Variants in CCDC14 observed in about 807,000 individuals in gnomAD.
CCDC14 encodes the protein coiled-coil domain-containing protein 14.
In CCDC14, 71 loss-of-function variants were observed where a neutral mutation model predicts 81.4. The ratio of observed to expected loss-of-function variants is 0.87; its 90% CI spans 0.72 to 1.06. The LOEUF (loss-of-function observed/expected upper bound fraction) is 1.06, where lower values mean the gene tolerates loss of function less well. Ranked by LOEUF, CCDC14 falls within the 50% of genes least tolerant of loss-of-function variation. CCDC14 has a pLI of 0.00. For synonymous variants in CCDC14, 332 were observed against 364.8 expected (o/e 0.91, Z 1.03); for missense variants, 1,046 against 1,047.3 (o/e 1.00, Z 0.02).
chr3:123,947,353 T>G lies in CCDC14; in HGVS notation c.685-34A>C, dbSNP rs777545648. The G allele has an allele frequency of 5.9e-6, 9 of 1,520,088 alleles. No individual in the cohort carries two copies. In the Admixed American group the frequency reaches 9.6e-5, roughly 16 times the overall value. The allele number at this position is 1,520,088 out of a possible 1,614,324, so 94.2% of individuals were successfully genotyped here. A position where few individuals can be genotyped will look rare whatever the true frequency, so the allele number is the denominator to read the frequency against. On this transcript the variant is annotated intron_variant, in intron 7 of 12. Coordinates refer to ENST00000409697, the MANE Select transcript of CCDC14 (RefSeq NM_001366335.1). The stretch of plus-strand genomic sequence containing the variant: ...AGATAAAAACAAGTCTTCAGAAGTA[T>G]GAGCACTCATTTGTAGGTATTAATT...
chr3:123,892,907 T>G, downstream of CCDC14, among the ~76,000 whole-genome samples: 1 of 152,026 alleles, frequency 6.6e-6, no homozygotes, highest in East Asian at 1.9e-4. Flanking sequence ...CAGTTTCAAG[T>G]GATTCTCCTG....
At chr3:123,911,374 CAT>C (rs1431845311), downstream of CCDC14, among the ~76,000 whole-genome samples, 4 of 152,096 alleles carry the variant, frequency 2.6e-5, no homozygotes, top group Admixed American at 6.5e-5. Context: ...TTAGAACCCA[CAT>C]GTTTAAGCAA....
At chr3:123,922,974 A>G (rs1200261128) in intron 12 of CCDC14, among the ~76,000 whole-genome samples, 3 of 152,134 alleles carry the variant, frequency 2.0e-5, no homozygotes, top group Non-Finnish European at 4.4e-5. Context: ...AGAACACTAC[A>G]AGAAAAGAAA....
intron 5 of CCDC14, chr3:123,954,628 A>T (rs1457939191): frequency 6.6e-6 from 1 of 152,118 alleles, no homozygotes; most frequent in Non-Finnish European, 1.5e-5. Flanking sequence ...AAATCTTCTA[A>T]ATCTAGCATA....
In CCDC14 at chr3:123,950,329, T is replaced by C. The variant is rs187556558; in HGVS notation, c.353-1197A>G. Reference sequence around the variant, plus strand: ...GAGTGCTTATGTCTACTGAAAGACATGTGCAAGAATGTTCACAGCAGCTTG... The same window carrying C: ...GAGTGCTTATGTCTACTGAAAGACACGTGCAAGAATGTTCACAGCAGCTTG... On this transcript the variant is annotated intron_variant, in intron 5 of 12. Coordinates refer to ENST00000409697, the MANE Select transcript of CCDC14 (RefSeq NM_001366335.1). Among the ~76,000 whole-genome samples the C allele has an allele frequency of 1.1e-3, 174 of 152,322 alleles. 1 individual carries two copies. Among genetic ancestry groups the C allele is most frequent in the Non-Finnish European group, 1.8e-3 (125 of 68,024 alleles).
At chr3:123,897,638 A>T (rs2034093149) in intron 5 of CCDC14, 1 of 1,055,960 alleles carries the variant, frequency 9.5e-7, no homozygotes, top group African/African-American at 1.7e-5. Context: ...ATGACAACAT[A>T]AATAAATATA....
At chr3:123,924,952 T>TACAC (rs1437360998) in intron 12 of CCDC14, among the ~76,000 whole-genome samples, 22 of 131,016 alleles carry the variant, frequency 1.7e-4, no homozygotes, top group East Asian at 6.9e-4. Context: ...TGTATACATA[T>TACAC]ATACACACAC....
rs184019007 is a variant in CCDC14 at position 123,935,733 on chromosome 3, C to A, written c.1344-1978G>T. On this transcript the variant is annotated intron_variant, in intron 9 of 12. Transcript: ENST00000409697. ...AAAGGTTTCCCCTTTACAACAGAAGCTTTCCTCGATAATCCTTTTGTATGT... is the reference window on the plus strand; with the variant it reads ...AAAGGTTTCCCCTTTACAACAGAAGATTTCCTCGATAATCCTTTTGTATGT... Among the ~76,000 whole-genome samples, 8 of 152,264 alleles carry A rather than the reference C, an allele frequency of 5.3e-5. No individual in the cohort carries two copies. In the East Asian group the frequency reaches 1.3e-3, roughly 26 times the overall value.
chr3:123,945,287 T>C (rs554905935), intron 8 of CCDC14, among the ~76,000 whole-genome samples: 124 of 152,042 alleles, frequency 8.2e-4, no homozygotes, highest in Non-Finnish European at 5.9e-4. Context: ...GGAATGTGGC[T>C]TACACAAAAC....
At chr3:123,886,587 G>A in the CCDC14 span, among the ~76,000 whole-genome samples, 643 of 152,084 alleles carry the variant, frequency 4.2e-3, 4 homozygotes, top group Non-Finnish European at 5.4e-3. Flanking sequence ...TAGTAGAGAC[G>A]GGGTTTCATC....
At chr3:123,901,386 C>T (rs2034176325) in intron 5 of CCDC14, among the ~76,000 whole-genome samples, 1 of 151,712 alleles carries the variant, frequency 6.6e-6, no homozygotes, top group South Asian at 2.1e-4. Flanking sequence ...TTAATGATTA[C>T]ATTGTAGTTA....
At chr3:123,932,752 T>C (rs544884687) in intron 10 of CCDC14, among the ~76,000 whole-genome samples, 3 of 152,292 alleles carry the variant, frequency 2.0e-5, no homozygotes, top group African/African-American at 2.4e-5. Flanking sequence ...TCTGTCACAA[T>C]TGCAACTGTA....
At chr3:123,956,293 A>C in intron 3 of CCDC14, 62 bp downstream of exon 3, 1 of 1,341,434 alleles carries the variant, frequency 7.5e-7, no homozygotes, top group Non-Finnish European at 1.0e-6. Context: ...TTTTATTCCT[A>C]CTTTTTAGCT....
At position 123,913,642 on chromosome 3, in the gene CCDC14, G is replaced by T. The variant is rs940271345; in HGVS notation, c.*1137C>A. The T allele has an allele frequency of 2.6e-5, 26 of 982,356 alleles. No individual in the cohort carries two copies. In the African/African-American group the frequency reaches 4.1e-4, roughly 15 times the overall value. 60.9% of individuals were successfully genotyped at this position (982,356 alleles called of 1,614,324 possible). ...GAACATATCAAAGAGACTACAGCTG[G>T]CTCCTTCAAACGCTGTAGCACTAAC... On this transcript the variant is annotated 3_prime_UTR_variant, in exon 13 of 13. Coordinates refer to ENST00000409697, the MANE Select transcript of CCDC14 (RefSeq NM_001366335.1).
At chr3:123,923,138 T>A (rs2035151774) in intron 12 of CCDC14, among the ~76,000 whole-genome samples, 1 of 152,146 alleles carries the variant, frequency 6.6e-6, no homozygotes, top group Non-Finnish European at 1.5e-5. Flanking sequence ...ATAAAACCGA[T>A]GAATGTGATA....
intron 9 of CCDC14, among the ~76,000 whole-genome samples, chr3:123,943,657 A>G (rs2036478333): frequency 6.6e-6 from 1 of 152,118 alleles, no homozygotes; most frequent in Non-Finnish European, 1.5e-5. Flanking sequence ...CTATTAGATC[A>G]TACCCTTTTT....
chr3:123,894,730 A>T (rs1378706915), downstream of CCDC14, among the ~76,000 whole-genome samples: 2 of 152,102 alleles, frequency 1.3e-5, no homozygotes, highest in East Asian at 3.8e-4. Flanking sequence ...TTGTTTTCTT[A>T]ATTTCTTTTT....
intron 5 of CCDC14, among the ~76,000 whole-genome samples, chr3:123,949,845 A>G (rs2036906201): frequency 6.6e-6 from 1 of 152,132 alleles, no homozygotes; most frequent in South Asian, 2.1e-4. Flanking sequence ...ACTACTCTTC[A>G]CCACCCTAGA....
At chr3:123,926,428 T>C (rs1577252279) in intron 12 of CCDC14, among the ~76,000 whole-genome samples, 1 of 151,650 alleles carries the variant, frequency 6.6e-6, no homozygotes, top group South Asian at 2.1e-4. Context: ...AATGCAGGGT[T>C]CTTTCTAGGC....
Sources: gnomAD v4.1 joint callset for allele counts (sites outside exome capture counted in the v4.1 genomes callset) on GRCh38, gnomAD v4.1.1 for gene constraint, MANE v1.5 for transcripts, NCBI Gene and HGNC (gene_info 2026-07-23, HGNC 2026-07-21) for gene names.